ARGFX: variants seen among roughly 807,000 people sequenced by gnomAD.
ARGFX encodes the protein arginine-fifty homeobox.
In ARGFX, 10 loss-of-function variants were observed where a neutral mutation model predicts 8.0. The ratio of observed to expected loss-of-function variants is 1.25; its 90% confidence interval spans 0.77 to 2.12. The LOEUF is 2.12. Ranked by LOEUF, ARGFX falls within the 30% of genes most tolerant of loss-of-function variation. The pLI, the probability that ARGFX is intolerant of heterozygous loss-of-function variation, is 0.00. For synonymous variants in ARGFX, 116 were observed against 117.8 expected (o/e 0.98, Z 0.10); for missense variants, 282 against 324.3 (o/e 0.87, Z 1.00).
At chr3:121,578,890 G>A (rs1183216418) in intron 3 of ARGFX, among the ~76,000 whole-genome samples, 1 of 151,366 alleles carries the variant, frequency 6.6e-6, no homozygotes, top group Non-Finnish European at 1.5e-5. Context: ...TGTTAGACAG[G>A]ATGGTCTTGT....
intron 2 of ARGFX, among the ~76,000 whole-genome samples, chr3:121,573,788 C>T (rs2048721650): frequency 7.8e-6 from 1 of 128,154 alleles, no homozygotes. Context: ...GCAGAGGTTG[C>T]AGTGAGCCGA....
Position 121,584,900 on chromosome 3 carries a change from T to C in ARGFX, c.221-17T>C. On this transcript the variant is annotated splice_polypyrimidine_tract_variant and intron_variant, in intron 3 of 4. Coordinates refer to ENST00000334384, the MANE Select transcript of ARGFX (RefSeq NM_001012659.2). ...TAATGTAAATGTAACCACCCCTTCT[T>C]TATCTCTGCCCTGAAGCAATACGGA... The C allele has an allele frequency of 6.2e-7, 1 of 1,601,630 alleles. No homozygotes were observed. The highest frequency in any genetic ancestry group is 8.5e-7 in the Non-Finnish European group (1 of 1,175,254).
At chr3:121,581,010 C>T (rs963345083) in intron 3 of ARGFX, among the ~76,000 whole-genome samples, 3 of 152,032 alleles carry the variant, frequency 2.0e-5, no homozygotes, top group South Asian at 2.1e-4. Context: ...GGCCGAGTCT[C>T]GCTCTGTTGC....
At chr3:121,583,986 G>A (rs770734763) in intron 3 of ARGFX, among the ~76,000 whole-genome samples, 3 of 152,138 alleles carry the variant, frequency 2.0e-5, no homozygotes, top group Non-Finnish European at 2.9e-5. Flanking sequence ...ATCAGCCTGA[G>A]CAATGTAAGG....
At chr3:121,571,730 ATTTTTT>A (rs1173636701) in intron 2 of ARGFX, among the ~76,000 whole-genome samples, 63 of 107,090 alleles carry the variant, frequency 5.9e-4, no homozygotes, top group Admixed American at 5.2e-3. Flanking sequence ...TGCCCGGCAA[ATTTTTT>A]TTTTTTTTTT....
chr3:121,577,258 TA>T (rs1369383309), intron 3 of ARGFX, among the ~76,000 whole-genome samples: 2,522 of 54,828 alleles, frequency 0.046, 42 homozygotes, highest in Non-Finnish European at 0.061. Context: ...TATATATATA[TA>T]TTTTTTTTTT....
chr3:121,577,455 T>C (rs1000389820), intron 3 of ARGFX, among the ~76,000 whole-genome samples: 1 of 151,534 alleles, frequency 6.6e-6, no homozygotes, highest in Non-Finnish European at 1.5e-5. Flanking sequence ...GGTTTCACCA[T>C]GTTGACCAGG....
At chr3:121,580,747 G>T (rs1490650747) in intron 3 of ARGFX, among the ~76,000 whole-genome samples, 4 of 151,146 alleles carry the variant, frequency 2.6e-5, no homozygotes, top group African/African-American at 7.3e-5. Context: ...TGGGATTACA[G>T]GTGTGTGCCA....
rs1457264443 is a variant in ARGFX, at chr3:121,588,103, G to C, written c.*1503G>C. 6.6e-6 allele frequency among the ~76,000 whole-genome samples: 1 copy of C among 151,810 alleles called. No homozygotes were observed. The highest frequency in any genetic ancestry group is 1.5e-5 in the Non-Finnish European group (1 of 67,968). ...AAATAAAGAGTCAAACTTTTAGAATGACAAGTTAGCATATTTTCCAGCCAC... is the reference window on the plus strand; with the variant it reads ...AAATAAAGAGTCAAACTTTTAGAATCACAAGTTAGCATATTTTCCAGCCAC... On this transcript the variant is annotated 3_prime_UTR_variant, in exon 5 of 5. Transcript: ENST00000334384.
chr3:121,585,102 A>G, intron 4 of ARGFX, 37 bp downstream of exon 4: 2 of 1,607,598 alleles, frequency 1.2e-6, no homozygotes, highest in Non-Finnish European at 1.7e-6. Context: ...ACCCCCATCC[A>G]AGCCACATTC....
intron 3 of ARGFX, among the ~76,000 whole-genome samples, chr3:121,578,899 G>T (rs998018477): frequency 6.7e-6 from 1 of 149,464 alleles, no homozygotes; most frequent in Admixed American, 6.7e-5. Context: ...GGATGGTCTT[G>T]TTCTCCTGAC....
chr3:121,575,036 C>T (rs2048728206), intron 2 of ARGFX, among the ~76,000 whole-genome samples: 1 of 152,110 alleles, frequency 6.6e-6, no homozygotes, highest in Non-Finnish European at 1.5e-5. Context: ...ATCTACAAGC[C>T]AGGCCAGGTG....
In ARGFX at chr3:121,586,090, C is replaced by A. The variant is rs1243957848; in HGVS notation, c.438C>A (p.Asn146Lys). Residue 146 changes from asparagine (N) to lysine (K), a missense_variant, in exon 5 of 5, where the codon AAC becomes AAA. Coordinates refer to ENST00000334384, the MANE Select transcript of ARGFX (RefSeq NM_001012659.2). The part of the protein sequence containing the change: ...QQQQQSAKQR[N>K]QILPSKKNVP... ...AGCAGCAATCAGCAAAGCAACGAAA[C>A]CAGATCCTTCCATCCAAGAAGAATG... The A allele has an allele frequency of 3.1e-6, 5 of 1,606,250 alleles. No homozygotes were observed. The highest frequency in any genetic ancestry group is 1.7e-5 in the Admixed American group (1 of 57,958).
rs374814978 is a variant in ARGFX at position 121,585,995 on chromosome 3, A to G, written c.370-27A>G. The G allele has an allele frequency of 2.6e-6, 4 of 1,543,624 alleles. No homozygotes were observed. The African/African-American group carries it at 5.5e-5, about 21-fold the overall frequency. On this transcript the variant is annotated intron_variant, in intron 4 of 4. Coordinates refer to ENST00000334384, the MANE Select transcript of ARGFX (RefSeq NM_001012659.2). ...AATGCCTCCTCCAATAACAGACCAC[A>G]ATCTCCCCCTCTTCCCCTACTCCCA...
At chr3:121,576,994 C>T (rs2048742504) in intron 3 of ARGFX, 94 bp downstream of exon 3, 1 of 152,640 alleles carries the variant, frequency 6.6e-6, no homozygotes, top group African/African-American at 2.4e-5. Flanking sequence ...GACCTTGTCT[C>T]TAAAAATAAT....
intron 4 of ARGFX, among the ~76,000 whole-genome samples, chr3:121,585,644 A>AT (rs2048807888): frequency 6.6e-6 from 1 of 151,940 alleles, no homozygotes; most frequent in Non-Finnish European, 1.5e-5. Context: ...CTGGCCATAC[A>AT]TTTTTACTGG....
In ARGFX at chr3:121,570,836, G is replaced by A. The variant is rs1341004641; in HGVS notation, c.103+20G>A. ...GTCCCAGTGAGTATCATCCTTCTTT[G>A]TCCTCTTTCCTTTTCTACTGCCCCA... On this transcript the variant is annotated intron_variant, in intron 2 of 4. Coordinates refer to ENST00000334384, the MANE Select transcript of ARGFX (RefSeq NM_001012659.2). The A allele has an allele frequency of 6.5e-7, 1 of 1,530,144 alleles. No homozygotes were observed. Among genetic ancestry groups the A allele is most frequent in the East Asian group, 2.5e-5 (1 of 40,578 alleles). 94.8% of individuals were successfully genotyped at this position (1,530,144 alleles called of 1,614,324 possible). A position where few individuals can be genotyped will look rare whatever the true frequency, so the allele number is the denominator to read the frequency against.
chr3:121,577,501 G>T (rs962322030), intron 3 of ARGFX, among the ~76,000 whole-genome samples: 1 of 151,188 alleles, frequency 6.6e-6, no homozygotes, highest in East Asian at 2.0e-4. Context: ...TGATCCGCCC[G>T]CCTGCCTTGG....
chr3:121,569,238 T>C (rs746356518), intron 1 of ARGFX, among the ~76,000 whole-genome samples: 5 of 152,104 alleles, frequency 3.3e-5, no homozygotes, highest in Admixed American at 1.3e-4. Context: ...TCTGACCTCA[T>C]ACAGATATGA....
Sources: gnomAD v4.1 joint callset for allele counts (sites outside exome capture counted in the v4.1 genomes callset) on GRCh38, gnomAD v4.1.1 for gene constraint, MANE v1.5 for transcripts, NCBI Gene and HGNC (gene_info 2026-07-23, HGNC 2026-07-21) for gene names.